HDAC9: variants seen among roughly 807,000 people sequenced by gnomAD.
The protein encoded by HDAC9 is histone deacetylase 9.
In HDAC9, 41 loss-of-function variants were observed where a neutral mutation model predicts 139.4. The observed-to-expected ratio is 0.29, with a 90% CI of 0.23 to 0.38. HDAC9 has a LOEUF of 0.38. Among genes scored for constraint, HDAC9 ranks in the 10% least tolerant of loss-of-function variants. The pLI, the probability that HDAC9 is intolerant of heterozygous loss-of-function variation, is 1.00. For missense variants in HDAC9, 1,147 were observed against 1,297.0 expected (o/e 0.88, Z 1.78); for synonymous variants, 517 against 476.2 (o/e 1.09, Z -1.12).
intron 25 of HDAC9, among the ~76,000 whole-genome samples, chr7:18,991,362 T>C (rs573968600): frequency 2.4e-4 from 36 of 152,208 alleles, no homozygotes; most frequent in Non-Finnish European, 4.1e-4. Flanking sequence ...GTCATCAGGC[T>C]GGGCACAGTG....
chr7:18,883,142 C>T (rs117702284), intron 22 of HDAC9, among the ~76,000 whole-genome samples: 477 of 152,206 alleles, frequency 3.1e-3, no homozygotes, highest in Non-Finnish European at 4.7e-3. Context: ...TGTTATGATA[C>T]ATTGAGGTAT....
chr7:18,183,218 C>A (rs943599236), intron 2 of HDAC9, among the ~76,000 whole-genome samples: 8 of 152,058 alleles, frequency 5.3e-5, no homozygotes, highest in Non-Finnish European at 1.0e-4. Context: ...ACCGTGTTAG[C>A]CAGGATGGTC....
At chr7:18,642,367 T>C (rs1785935823) in intron 8 of HDAC9, among the ~76,000 whole-genome samples, 1 of 152,076 alleles carries the variant, frequency 6.6e-6, no homozygotes, top group Admixed American at 6.6e-5. Context: ...CTCCCTACTT[T>C]TCTGTGGTTC....
At chr7:18,640,326 G>T (rs142101151) in intron 8 of HDAC9, among the ~76,000 whole-genome samples, 1 of 121,240 alleles carries the variant, frequency 8.2e-6, no homozygotes, top group Non-Finnish European at 1.6e-5. Context: ...CCACTGCACT[G>T]CAGCCTGGGC....
intron 24 of HDAC9, among the ~76,000 whole-genome samples, chr7:18,969,340 A>C (rs1784102386): frequency 2.0e-5 from 3 of 152,156 alleles, no homozygotes; most frequent in Non-Finnish European, 4.4e-5. Flanking sequence ...CCTTACATTA[A>C]AGGCTACATT....
At chr7:18,785,877 G>C (rs1472748207) in intron 16 of HDAC9, among the ~76,000 whole-genome samples, 2 of 151,986 alleles carry the variant, frequency 1.3e-5, no homozygotes, top group African/African-American at 4.8e-5. Context: ...CTACATTAAT[G>C]GTCGCTGTAA....
rs553841940 is a variant in HDAC9 at position 18,379,982 on chromosome 7, C to A, written c.-42+89467C>A. Among the ~76,000 whole-genome samples the A allele has an allele frequency of 2.6e-5, 4 of 152,274 alleles. No individual in the cohort carries two copies. The South Asian group carries it at 8.3e-4, about 32-fold the overall frequency. On this transcript the variant is annotated intron_variant, in intron 1 of 3. Transcript: ENST00000413509. ...AGGGCAGAATCGCTCCTGTTGCTCC[C>A]CACCTGGAGTAGAATGAATGGAGTA...
At chr7:18,748,143 A>T (rs1788140993) in intron 13 of HDAC9, among the ~76,000 whole-genome samples, 1 of 152,216 alleles carries the variant, frequency 6.6e-6, no homozygotes, top group Non-Finnish European at 1.5e-5. Flanking sequence ...AATCTTCTTT[A>T]AATGAGCCAG....
chr7:18,820,895 TAG>T (rs933370780), intron 17 of HDAC9, among the ~76,000 whole-genome samples: 1 of 152,182 alleles, frequency 6.6e-6, no homozygotes, highest in Non-Finnish European at 1.5e-5. Context: ...GGGCATATTA[TAG>T]AGTGTCTTAG....
chr7:18,806,978 G>T (rs1006098195), intron 17 of HDAC9, among the ~76,000 whole-genome samples: 2 of 152,154 alleles, frequency 1.3e-5, no homozygotes, highest in African/African-American at 4.8e-5. Context: ...CATAAAATTA[G>T]TTAGAAATGC....
chr7:18,256,258 G>A (rs1795236830), intron 2 of HDAC9, among the ~76,000 whole-genome samples: 1 of 152,190 alleles, frequency 6.6e-6, no homozygotes, highest in Non-Finnish European at 1.5e-5. Flanking sequence ...GGAAAGTGGG[G>A]TGGTAGGTGA....
At chr7:18,826,631 G>A (rs1795458792) in intron 17 of HDAC9, among the ~76,000 whole-genome samples, 1 of 150,234 alleles carries the variant, frequency 6.7e-6, no homozygotes, top group African/African-American at 2.5e-5. Context: ...GTGAAAGGAG[G>A]AAGAGAGAAT....
intron 1 of HDAC9, among the ~76,000 whole-genome samples, chr7:18,125,377 C>T (rs752555794): frequency 6.6e-6 from 1 of 151,824 alleles, no homozygotes; most frequent in Non-Finnish European, 1.5e-5. Context: ...CTAGGACTTT[C>T]CTGAATCTCT....
chr7:18,821,555 G>A (rs145415329), intron 17 of HDAC9, among the ~76,000 whole-genome samples: 2 of 152,194 alleles, frequency 1.3e-5, no homozygotes, highest in African/African-American at 4.8e-5. Flanking sequence ...GCGGGAAAAG[G>A]AAGATCAACT....
intron 17 of HDAC9, among the ~76,000 whole-genome samples, chr7:18,807,435 T>A (rs911467224): frequency 2.0e-5 from 3 of 152,126 alleles, no homozygotes; most frequent in Non-Finnish European, 2.9e-5. Context: ...TTATTTCATT[T>A]ATTTCTGCTG....
At chr7:18,987,395 C>T (rs1160580643) in intron 25 of HDAC9, among the ~76,000 whole-genome samples, 1 of 152,280 alleles carries the variant, frequency 6.6e-6, no homozygotes, top group East Asian at 1.9e-4. Context: ...ATTGAACCAG[C>T]CTTGCATCCC....
chr7:18,838,135 C>T (rs147861814), intron 21 of HDAC9, among the ~76,000 whole-genome samples: 19 of 152,130 alleles, frequency 1.2e-4, no homozygotes, highest in Admixed American at 1.1e-3. Context: ...GAATTTGTTA[C>T]GGCTAGGTCA....
chr7:18,982,084 T>C (rs1784990612), intron 25 of HDAC9, among the ~76,000 whole-genome samples: 1 of 152,188 alleles, frequency 6.6e-6, no homozygotes, highest in South Asian at 2.1e-4. Flanking sequence ...AAGATGTCTT[T>C]ACTTTGACAA....
intron 1 of HDAC9, among the ~76,000 whole-genome samples, chr7:18,395,559 A>G (rs973334909): frequency 9.4e-5 from 14 of 149,722 alleles, no homozygotes; most frequent in African/African-American, 3.2e-4. Context: ...AAAACTAGAT[A>G]CCTCCCCACT....
Sources: gnomAD v4.1 joint callset for allele counts (sites outside exome capture counted in the v4.1 genomes callset) on GRCh38, gnomAD v4.1.1 for gene constraint, MANE v1.5 for transcripts, NCBI Gene and HGNC (gene_info 2026-07-23, HGNC 2026-07-21) for gene names.